SLC7A6OS: variants seen among roughly 807,000 people sequenced by gnomAD.
SLC7A6OS encodes the protein solute carrier family 7 member 6 opposite strand.
Under a neutral mutation model 34.3 loss-of-function variants are expected in SLC7A6OS, and 22 were observed. The ratio of observed to expected loss-of-function variants is 0.64; its 90% CI spans 0.46 to 0.92. The LOEUF is 0.92. Ranked by LOEUF, SLC7A6OS falls within the 40% of genes least tolerant of loss-of-function variation. The probability of loss-of-function intolerance (pLI) is 0.00; values close to 1 mark genes in which losing one functional copy is unlikely to be tolerated. For missense variants in SLC7A6OS, 434 were observed against 407.7 expected (o/e 1.06, Z -0.56); for synonymous variants, 199 against 165.0 (o/e 1.21, Z -1.58).
intron 2 of SLC7A6OS, among the ~76,000 whole-genome samples, chr16:68,307,036 T>G (rs2043332134): frequency 1.3e-5 from 2 of 152,232 alleles, no homozygotes; most frequent in African/African-American, 4.8e-5. Flanking sequence ...CACAGCATTT[T>G]GTACTGTTAA....
At position 68,310,611 on chromosome 16, in the gene SLC7A6OS, C is replaced by G; in HGVS notation, c.195G>C (p.Glu65Asp). The change falls in exon 2 of 5, where the codon GAG (glutamate) becomes GAC (aspartate). Residue 65 changes from glutamate to aspartate, a missense_variant and splice_region_variant. Physicochemically the swap from Glu to Asp is conservative, Grantham distance 45. Transcript: ENST00000263997. ...FHLVATVCSQ[E>D]EPVQPLLREV... is the part of the protein sequence containing the mutation. ...CCCGCAGGAGAGGCTGGACTGGTTC[C>G]TCCTAGGGGGCAACAGGGGACGGAG... 6.3e-7 allele frequency: 1 copy of G among 1,594,182 alleles called. No homozygotes were observed. Among genetic ancestry groups the G allele is most frequent in the Non-Finnish European group, 8.6e-7 (1 of 1,168,748 alleles).
intron 2 of SLC7A6OS, among the ~76,000 whole-genome samples, chr16:68,305,344 C>G (rs2043319286): frequency 6.6e-6 from 1 of 152,182 alleles, no homozygotes; most frequent in Admixed American, 6.5e-5. Flanking sequence ...AATGGGCTCA[C>G]CTATAGTCTT....
At chr16:68,310,044 C>T (rs971016736) in intron 2 of SLC7A6OS, among the ~76,000 whole-genome samples, 2 of 152,212 alleles carry the variant, frequency 1.3e-5, no homozygotes, top group Non-Finnish European at 2.9e-5. Flanking sequence ...TTTGTCTCCC[C>T]GCCTCCTTAC....
In SLC7A6OS at chr16:68,310,339, C is replaced by T. The variant is rs889184698; in HGVS notation, c.467G>A (p.Cys156Tyr). ...CACCTTCAGGGGCATACTCACTTTGCAGGAGCCTGCAGAGGCGGCTTCAGG... is the reference window on the plus strand; with the variant it reads ...CACCTTCAGGGGCATACTCACTTTGTAGGAGCCTGCAGAGGCGGCTTCAGG... ...GEPEAASAGSCKTSDPDVILC... is the reference protein window; with the variant it reads ...GEPEAASAGSYKTSDPDVILC... Residue 156 changes from cysteine to tyrosine, a missense_variant, in exon 2 of 5, where the codon TGC (cysteine) becomes TAC (tyrosine). Cys to Tyr is a radical substitution (Grantham distance 194, BLOSUM62 -2). Transcript: ENST00000263997. 7 of 1,598,682 alleles carry T rather than the reference C, an allele frequency of 4.4e-6. No homozygotes were observed. The highest frequency in any genetic ancestry group is 6.0e-6 in the Non-Finnish European group (7 of 1,169,572).
In SLC7A6OS at chr16:68,300,516, T is replaced by G; in HGVS notation, c.*759A>C. On this transcript the variant is annotated 3_prime_UTR_variant, in exon 5 of 5. Coordinates refer to ENST00000263997, the MANE Select transcript of SLC7A6OS (RefSeq NM_032178.3). The stretch of plus-strand genomic sequence containing the variant: ...GTACTTTGTTTTTCCTCCCTTGCCT[T>G]AAGTCCTTGGTATTTATAATCAATG... The G allele has an allele frequency of 1.4e-6, 1 of 725,316 alleles. No individual in the cohort carries two copies. The highest frequency in any genetic ancestry group is 1.7e-6 in the Non-Finnish European group (1 of 592,382). 44.9% of individuals were successfully genotyped at this position (725,316 alleles called of 1,614,324 possible).
At chr16:68,309,376 T>C (rs1297337492) in intron 2 of SLC7A6OS, among the ~76,000 whole-genome samples, 1 of 152,106 alleles carries the variant, frequency 6.6e-6, no homozygotes, top group African/African-American at 2.4e-5. Flanking sequence ...ATTTTATTTT[T>C]TTTTGAGACA....
Position 68,300,998 on chromosome 16 carries a change from A to C in SLC7A6OS, c.*277T>G. 9.3e-7 allele frequency: 1 copy of C among 1,074,182 alleles called. No individual in the cohort carries two copies. Among genetic ancestry groups the C allele is most frequent in the Non-Finnish European group, 1.1e-6 (1 of 887,956 alleles). 66.5% of individuals were successfully genotyped at this position (1,074,182 alleles called of 1,614,324 possible). A position where few individuals can be genotyped will look rare whatever the true frequency, so the allele number is the denominator to read the frequency against. On this transcript the variant is annotated 3_prime_UTR_variant, in exon 5 of 5. Coordinates refer to ENST00000263997, the MANE Select transcript of SLC7A6OS (RefSeq NM_032178.3). ...GGAAAAATTCCTGGGCCAAGAAGCTAAAGCTAAAGAAACCTTCCTTTTTTC... is the reference window on the plus strand; with the variant it reads ...GGAAAAATTCCTGGGCCAAGAAGCTCAAGCTAAAGAAACCTTCCTTTTTTC...
Position 68,310,751 on chromosome 16 carries a change from G to A in SLC7A6OS, c.176C>T (p.Ala59Val). The A allele has an allele frequency of 6.2e-7, 1 of 1,610,000 alleles. No homozygotes were observed. The highest frequency in any genetic ancestry group is 2.2e-5 in the East Asian group (1 of 44,816). The change falls in exon 1 of 5, where the codon GCC (alanine) becomes GTC (valine). Residue 59 changes from alanine to valine, a missense_variant. Ala to Val is a moderately conservative substitution (Grantham distance 64, BLOSUM62 0). Transcript: ENST00000263997. Reference sequence around the variant, plus strand: ...GCCCAATACCTGGGAGCACACAGTGGCCACCAAGTGGAAGACATTATTCTC... The same window carrying A: ...GCCCAATACCTGGGAGCACACAGTGACCACCAAGTGGAAGACATTATTCTC... ...AAENNVFHLV[A>V]TVCSQEEPVQ...
At chr16:68,305,831 C>T (rs56372488) in intron 2 of SLC7A6OS, among the ~76,000 whole-genome samples, 1 of 152,084 alleles carries the variant, frequency 6.6e-6, no homozygotes, top group Non-Finnish European at 1.5e-5. Context: ...AAGCCAAGGT[C>T]GGAGGAATGT....
chr16:68,310,915 G>C lies in SLC7A6OS; in HGVS notation c.12C>G (p.Ala4=). The change falls in exon 1 of 5, where the codon GCC becomes GCG. Residue 4 remains alanine (A), a synonymous_variant. Transcript: ENST00000263997. ...GCTTCACCCGGAGTACAGCGGTCCTGGCGGCCTCCATAGTGGCTGCCGCTG... is the reference window on the plus strand; with the variant it reads ...GCTTCACCCGGAGTACAGCGGTCCTCGCGGCCTCCATAGTGGCTGCCGCTG... MEA[A]RTAVLRVKRK... is the part of the protein sequence containing the mutation. 2 of 1,586,014 alleles carry C rather than the reference G, an allele frequency of 1.3e-6. No homozygotes were observed. The highest frequency in any genetic ancestry group is 2.2e-5 in the South Asian group (2 of 89,054).
Position 68,310,522 on chromosome 16 carries a change from C to G in SLC7A6OS, c.284G>C (p.Arg95Pro), listed in dbSNP as rs777977189. The G allele has an allele frequency of 8.2e-6, 13 of 1,581,582 alleles. No individual in the cohort carries two copies. Among genetic ancestry groups the G allele is most frequent in the Non-Finnish European group, 6.0e-6 (7 of 1,164,808 alleles). ...GTAGCGGCCCTCCTGCCGGACCTCC[C>G]GAGCCGAGGCGCGGAGATTACGGCG... Reference protein sequence around the residue: ...RVRRNLRASAREVRQEGRYRV... With the variant: ...RVRRNLRASAPEVRQEGRYRV... The change falls in exon 2 of 5, where the codon CGG becomes CCG. Residue 95 changes from arginine (R) to proline (P), a missense_variant. Arg to Pro is a moderately radical substitution (Grantham distance 103). Coordinates refer to ENST00000263997, the MANE Select transcript of SLC7A6OS (RefSeq NM_032178.3).
intron 2 of SLC7A6OS, 76 bp downstream of exon 2, chr16:68,310,259 T>G: frequency 1.4e-6 from 2 of 1,449,218 alleles, no homozygotes; most frequent in Non-Finnish European, 1.9e-6. Context: ...AAGATGAAAC[T>G]GTGCTGCGAC....
In SLC7A6OS at chr16:68,303,793, C is replaced by A; in HGVS notation, c.678+233G>T. On this transcript the variant is annotated intron_variant, in intron 3 of 4. Coordinates refer to ENST00000263997, the MANE Select transcript of SLC7A6OS (RefSeq NM_032178.3). ...TAAACAATAAAGGTGATGTTGCAAA[C>A]CTTGTAAAATATTCATTAATGTAAA... 2 of 533,584 alleles carry A rather than the reference C, an allele frequency of 3.7e-6. 1 individual carries two copies. The highest frequency in any genetic ancestry group is 4.6e-5 in the South Asian group (2 of 43,596). The allele number at this position is 533,584 out of a possible 1,614,324, so 33.1% of individuals were successfully genotyped here. A position where few individuals can be genotyped will look rare whatever the true frequency, so the allele number is the denominator to read the frequency against.
At position 68,298,825 on chromosome 16, in the gene SLC7A6OS, C is replaced by T. The variant is rs1022975100; in HGVS notation, c.*2450G>A. ...GGATTGTACAACTGTTTTGTGATGC[C>T]CCCAGACACTGTCATCCTGGGCCGA... On this transcript the variant is annotated 3_prime_UTR_variant, in exon 5 of 5. Coordinates refer to ENST00000263997, the MANE Select transcript of SLC7A6OS (RefSeq NM_032178.3). 1 of 152,446 alleles carries T rather than the reference C, an allele frequency of 6.6e-6. No homozygotes were observed. The highest frequency in any genetic ancestry group is 2.4e-5 in the African/African-American group (1 of 41,406). 9.4% of individuals were successfully genotyped at this position (152,446 alleles called of 1,614,324 possible). A position where few individuals can be genotyped will look rare whatever the true frequency, so the allele number is the denominator to read the frequency against.
At chr16:68,302,671 T>C (rs1256085325) in intron 3 of SLC7A6OS, among the ~76,000 whole-genome samples, 170 bp from the exon 4 acceptor site, 6 of 152,168 alleles carry the variant, frequency 3.9e-5, no homozygotes, top group African/African-American at 7.2e-5. Context: ...AGGGAGATAA[T>C]AGCCCCCTTC....
Position 68,301,287 on chromosome 16 carries a change from C to T in SLC7A6OS, c.918G>A (p.Leu306=), listed in dbSNP as rs2043268747. ...KEFGYDSPHD[L]DSD The stretch of plus-strand genomic sequence containing the variant: ...CATCACAAGACCATCAGTCTGAATC[C>T]AGGTCGTGGGGGCTGTCATAGCCGA... Residue 306 remains leucine (L), a synonymous_variant, in exon 5 of 5, where the codon CTG becomes CTA. Coordinates refer to ENST00000263997, the MANE Select transcript of SLC7A6OS (RefSeq NM_032178.3). 1 of 1,613,886 alleles carries T rather than the reference C, an allele frequency of 6.2e-7. No individual in the cohort carries two copies. Among genetic ancestry groups the T allele is most frequent in the Admixed American group, 1.7e-5 (1 of 59,998 alleles).
chr16:68,302,364 C>T lies in SLC7A6OS; in HGVS notation c.799+17G>A, dbSNP rs1392235668. ...TCAGATCCTACCAGTCCCTCCCGGTCTGGGGCTGCCACCCACCTCTGGAAT... is the reference window on the plus strand; with the variant it reads ...TCAGATCCTACCAGTCCCTCCCGGTTTGGGGCTGCCACCCACCTCTGGAAT... On this transcript the variant is annotated intron_variant, in intron 4 of 4. Coordinates refer to ENST00000263997, the MANE Select transcript of SLC7A6OS (RefSeq NM_032178.3). 3.7e-6 allele frequency: 6 copies of T among 1,613,870 alleles called. No individual in the cohort carries two copies. The African/African-American group carries it at 8.0e-5, about 22-fold the overall frequency.
In SLC7A6OS at chr16:68,300,205, T is replaced by C. The variant is rs999489820; in HGVS notation, c.*1070A>G. The C allele has an allele frequency of 6.6e-5, 10 of 152,258 alleles. No individual in the cohort carries two copies. Among genetic ancestry groups the C allele is most frequent in the African/African-American group, 2.4e-4 (10 of 41,464 alleles). 9.4% of individuals were successfully genotyped at this position (152,258 alleles called of 1,614,324 possible). A position where few individuals can be genotyped will look rare whatever the true frequency, so the allele number is the denominator to read the frequency against. ...TAAAATTAAAAGCTCAGTTTCTCAG[T>C]TGCGCTAATCACATTTCAAGTGCTC... On this transcript the variant is annotated 3_prime_UTR_variant, in exon 5 of 5. Coordinates refer to ENST00000263997, the MANE Select transcript of SLC7A6OS (RefSeq NM_032178.3).
chr16:68,305,574 A>T (rs1173699143), intron 2 of SLC7A6OS, among the ~76,000 whole-genome samples: 1 of 152,202 alleles, frequency 6.6e-6, no homozygotes, highest in Admixed American at 6.5e-5. Context: ...GGAAGATCCC[A>T]TGGCCAAGGC....
Sources: gnomAD v4.1 joint callset for allele counts (sites outside exome capture counted in the v4.1 genomes callset) on GRCh38, gnomAD v4.1.1 for gene constraint, MANE v1.5 for transcripts, NCBI Gene and HGNC (gene_info 2026-07-23, HGNC 2026-07-21) for gene names.